The following NRG1 variants were observed in gnomAD, a reference collection of about 807,000 sequenced individuals.
NRG1 encodes pro-neuregulin-1, membrane-bound isoform.
Under a neutral mutation model 63.8 loss-of-function variants are expected in NRG1, and 18 were observed. The observed-to-expected ratio is 0.28, with a 90% confidence interval of 0.19 to 0.42. The LOEUF (loss-of-function observed/expected upper bound fraction) is 0.42, where lower values mean the gene tolerates loss of function less well. NRG1 is among the 10% of genes least tolerant of loss of function. The probability of loss-of-function intolerance (pLI) is 1.00; values close to 1 mark genes in which losing one functional copy is unlikely to be tolerated. For synonymous variants in NRG1, 302 were observed against 301.3 expected (o/e 1.00, Z -0.02); for missense variants, 762 against 814.7 (o/e 0.94, Z 0.79).
intron 1 of NRG1, among the ~76,000 whole-genome samples, chr8:31,765,569 A>G (rs1271310864): frequency 6.6e-6 from 1 of 152,140 alleles, no homozygotes; most frequent in Non-Finnish European, 1.5e-5. Flanking sequence ...TACTTTTTCT[A>G]TATCCTGTGT....
At chr8:32,345,984 G>C in intron 1 of NRG1, among the ~76,000 whole-genome samples, 1 of 150,908 alleles carries the variant, frequency 6.6e-6, no homozygotes, top group East Asian at 1.9e-4. Context: ...CTCCAGTCTG[G>C]GTGACAGAGT....
At chr8:31,854,044 G>A (rs1304368767) in intron 1 of NRG1, among the ~76,000 whole-genome samples, 2 of 150,540 alleles carry the variant, frequency 1.3e-5, no homozygotes, top group African/African-American at 2.4e-5. Flanking sequence ...TTGCATCAAT[G>A]TTCATCAAGG....
chr8:31,882,394 C>T (rs1830420037), intron 1 of NRG1, among the ~76,000 whole-genome samples: 1 of 150,604 alleles, frequency 6.6e-6, no homozygotes, highest in Admixed American at 6.6e-5. Flanking sequence ...GACAATACAC[C>T]TGGTCACTCA....
chr8:32,459,212 C>T (rs1268401350), intron 1 of NRG1, among the ~76,000 whole-genome samples: 2 of 152,142 alleles, frequency 1.3e-5, no homozygotes, highest in African/African-American at 4.8e-5. Flanking sequence ...AACACCACTG[C>T]TATCTACCCA....
intron 1 of NRG1, among the ~76,000 whole-genome samples, chr8:31,785,920 A>T (rs1820127010): frequency 6.6e-6 from 1 of 152,202 alleles, no homozygotes; most frequent in African/African-American, 2.4e-5. Context: ...CATTTAAAAC[A>T]TCCTTTAGAA....
intron 1 of NRG1, among the ~76,000 whole-genome samples, chr8:32,223,960 C>A (rs1183939167): frequency 6.6e-6 from 1 of 151,994 alleles, no homozygotes; most frequent in Non-Finnish European, 1.5e-5. Flanking sequence ...TTCACTGTGG[C>A]CTGGAAGGAG....
intron 1 of NRG1, among the ~76,000 whole-genome samples, chr8:32,218,529 C>T (rs151300612): frequency 2.4e-4 from 37 of 152,264 alleles, no homozygotes; most frequent in African/African-American, 8.7e-4. Flanking sequence ...CCAAGAGTCA[C>T]AGATTGCTTA....
chr8:32,482,925 T>G (rs1376931706), intron 1 of NRG1, among the ~76,000 whole-genome samples: 1 of 152,226 alleles, frequency 6.6e-6, no homozygotes, highest in African/African-American at 2.4e-5. Flanking sequence ...GCTTTAAAAC[T>G]TATTTATACC....
intron 1 of NRG1, among the ~76,000 whole-genome samples, chr8:31,697,597 A>T (rs997255538): frequency 1.3e-5 from 2 of 152,112 alleles, no homozygotes; most frequent in Non-Finnish European, 2.9e-5. Flanking sequence ...TTTTGCTAGG[A>T]AGGGAAGCCG....
chr8:31,643,008 G>A (rs951867254), intron 1 of NRG1, among the ~76,000 whole-genome samples: 8 of 152,016 alleles, frequency 5.3e-5, no homozygotes, highest in African/African-American at 1.9e-4. Flanking sequence ...GTGAGAGAGA[G>A]AATGAATGAA....
At position 32,445,066 on chromosome 8, in the gene NRG1, C is replaced by T. The variant is rs541943611; in HGVS notation, c.38-150762C>T. Among the ~76,000 whole-genome samples the T allele has an allele frequency of 6.6e-5, 10 of 152,230 alleles. No homozygotes were observed. In the South Asian group the frequency reaches 8.3e-4, roughly 13 times the overall value. On this transcript the variant is annotated intron_variant, in intron 1 of 10. Coordinates refer to the NRG1 transcript ENST00000519301. ...ACCAAGATTGATCATCACCTGAGGG[C>T]GATACACTATAGTTGTTCCTCTGTA...
chr8:32,375,812 T>G (rs1318306787), intron 1 of NRG1, among the ~76,000 whole-genome samples: 2 of 152,186 alleles, frequency 1.3e-5, no homozygotes, highest in Non-Finnish European at 2.9e-5. Context: ...GGCTTTTCCT[T>G]TCATTGTAAG....
At chr8:32,222,838 A>T (rs1845966346) in intron 1 of NRG1, among the ~76,000 whole-genome samples, 1 of 152,192 alleles carries the variant, frequency 6.6e-6, no homozygotes, top group Non-Finnish European at 1.5e-5. Context: ...GGAGAAAGTG[A>T]CCAGCCAAAA....
At chr8:32,042,077 C>A (rs1820151633) in intron 1 of NRG1, among the ~76,000 whole-genome samples, 1 of 152,082 alleles carries the variant, frequency 6.6e-6, no homozygotes, top group Non-Finnish European at 1.5e-5. Flanking sequence ...GAAAGCTGGT[C>A]AGAACTTGTG....
chr8:32,602,333 T>G (rs1844524335), intron 2 of NRG1, among the ~76,000 whole-genome samples: 1 of 152,162 alleles, frequency 6.6e-6, no homozygotes, highest in Non-Finnish European at 1.5e-5. Context: ...TGCCAAGGCC[T>G]ATTAGGAGAA....
intron 1 of NRG1, among the ~76,000 whole-genome samples, chr8:31,854,983 G>C (rs1438885307): frequency 6.6e-6 from 1 of 152,154 alleles, no homozygotes; most frequent in Non-Finnish European, 1.5e-5. Flanking sequence ...GAGATAGTTT[G>C]TTATAATTTC....
chr8:31,861,637 T>G (rs563630393), intron 1 of NRG1, among the ~76,000 whole-genome samples: 4 of 152,286 alleles, frequency 2.6e-5, no homozygotes, highest in African/African-American at 9.6e-5. Flanking sequence ...TGATGAAAGA[T>G]AGTAGGCACA....
rs28548589 is a variant in NRG1, at chr8:31,699,722, T to A, written c.37+60291T>A. Among the ~76,000 whole-genome samples the A allele has an allele frequency of 8.8e-3, 1,344 of 151,880 alleles. 18 individuals are homozygous for A. Among genetic ancestry groups the A allele is most frequent in the African/African-American group, 0.029 (1,200 of 41,432 alleles). On this transcript the variant is annotated intron_variant, in intron 1 of 10. Coordinates refer to the NRG1 transcript ENST00000519301. ...TTCCTTCCTTTTTTTAAAAAAAAAA[T>A]TTTTCACCTTTTAATTGTCAGTTCT...
chr8:32,641,328 T>A (rs141062283), intron 5 of NRG1, among the ~76,000 whole-genome samples: 1 of 152,208 alleles, frequency 6.6e-6, no homozygotes, highest in African/African-American at 2.4e-5. Context: ...CACAGCAAAA[T>A]TAACCATTTG....
Sources: allele counts gnomAD v4.1 joint callset (sites outside exome capture counted in the v4.1 genomes callset), GRCh38; gene constraint gnomAD v4.1.1; transcripts MANE v1.5; gene names NCBI Gene and HGNC (gene_info 2026-07-23, HGNC 2026-07-21).